Variants in DYM observed in about 807,000 individuals in gnomAD.
DYM encodes the protein dymeclin.
Under a neutral mutation model 93.1 loss-of-function variants are expected in DYM, and 78 were observed. That is an observed-to-expected ratio of 0.84 (90% confidence interval 0.70 to 1.01). The LOEUF is 1.01. Among genes scored for constraint, DYM ranks in the 50% least tolerant of loss-of-function variants. DYM has a pLI of 0.00. For missense variants in DYM, 789 were observed against 845.0 expected (o/e 0.93, Z 0.82); for synonymous variants, 321 against 319.7 (o/e 1.00, Z -0.04).
intron 8 of DYM, among the ~76,000 whole-genome samples, chr18:49,300,602 A>C (rs930923373): frequency 8.2e-5 from 12 of 145,814 alleles, no homozygotes; most frequent in African/African-American, 3.0e-4. Context: ...CTCAGTCTCC[A>C]AAAAAAAAAA....
At chr18:49,406,527 C>T (rs573590348) in intron 2 of DYM, among the ~76,000 whole-genome samples, 1 of 152,260 alleles carries the variant, frequency 6.6e-6, no homozygotes, top group African/African-American at 2.4e-5. Context: ...TGCCACTGCA[C>T]TCTAGCCTGA....
intron 15 of DYM, among the ~76,000 whole-genome samples, chr18:49,143,856 C>T (rs1389991127): frequency 6.6e-6 from 1 of 152,102 alleles, no homozygotes; most frequent in Admixed American, 6.5e-5. Context: ...ATCTTGTTTC[C>T]TTATACTCAT....
chr18:49,266,903 A>T (rs2094578975), intron 11 of DYM, among the ~76,000 whole-genome samples: 1 of 152,188 alleles, frequency 6.6e-6, no homozygotes, highest in African/African-American at 2.4e-5. Context: ...CTTACAGTGG[A>T]AAAGCAGAAG....
intron 2 of DYM, among the ~76,000 whole-genome samples, chr18:49,427,566 G>A (rs2074405825): frequency 2.6e-5 from 4 of 151,612 alleles, no homozygotes; most frequent in Admixed American, 2.0e-4. Flanking sequence ...TGTGAGGTGT[G>A]ATAATGGTAT....
At chr18:49,195,281 A>C (rs1362599360) in intron 14 of DYM, among the ~76,000 whole-genome samples, 2 of 152,304 alleles carry the variant, frequency 1.3e-5, no homozygotes, top group African/African-American at 4.8e-5. Context: ...GATGCATTAT[A>C]ACTGTACATA....
At chr18:49,355,262 AAT>A (rs2065447026) in intron 6 of DYM, among the ~76,000 whole-genome samples, 1 of 151,946 alleles carries the variant, frequency 6.6e-6, no homozygotes, top group East Asian at 1.9e-4. Context: ...TATAGATATC[AAT>A]AGATATAGAT....
intron 15 of DYM, among the ~76,000 whole-genome samples, chr18:49,152,730 G>A (rs139184928): frequency 3.9e-5 from 6 of 152,118 alleles, no homozygotes; most frequent in South Asian, 2.1e-4. Context: ...CTAAGTACTC[G>A]CTGACAGATA....
intron 10 of DYM, among the ~76,000 whole-genome samples, chr18:49,280,938 C>T (rs1366931923): frequency 6.6e-6 from 1 of 152,096 alleles, no homozygotes; most frequent in Non-Finnish European, 1.5e-5. Context: ...CAACAAAAGC[C>T]AAAATTGACA....
At chr18:49,377,805 T>C (rs996306222) in intron 5 of DYM, among the ~76,000 whole-genome samples, 9 of 152,226 alleles carry the variant, frequency 5.9e-5, no homozygotes, top group African/African-American at 1.7e-4. Flanking sequence ...TTATTATACA[T>C]ATGCATGAAA....
intron 14 of DYM, among the ~76,000 whole-genome samples, chr18:49,199,951 G>T (rs1376824227): frequency 6.6e-6 from 1 of 151,168 alleles, no homozygotes. Flanking sequence ...CATATTACAC[G>T]TACTTAGAAT....
intron 7 of DYM, among the ~76,000 whole-genome samples, chr18:49,333,192 C>A (rs1382741186): frequency 6.6e-6 from 1 of 152,194 alleles, no homozygotes; most frequent in African/African-American, 2.4e-5. Context: ...TCATTTGCAT[C>A]CACACCCTCT....
chr18:49,175,859 T>C (rs1048039281), intron 14 of DYM, among the ~76,000 whole-genome samples: 3 of 152,176 alleles, frequency 2.0e-5, no homozygotes, highest in Non-Finnish European at 4.4e-5. Flanking sequence ...AAGAAATATA[T>C]GTGTGATATT....
chr18:49,047,660 A>G (rs2071784759), intron 17 of DYM, among the ~76,000 whole-genome samples: 1 of 152,046 alleles, frequency 6.6e-6, no homozygotes, highest in African/African-American at 2.4e-5. Context: ...GTGGGGCGGT[A>G]TCCTAGGGCC....
intron 8 of DYM, among the ~76,000 whole-genome samples, chr18:49,315,122 G>A (rs2061842311): frequency 6.6e-6 from 1 of 152,010 alleles, no homozygotes; most frequent in Admixed American, 6.5e-5. Flanking sequence ...GGCTGAGGTG[G>A]GAGGATCGCT....
intron 15 of DYM, among the ~76,000 whole-genome samples, chr18:49,124,552 A>G (rs2082651470): frequency 6.6e-6 from 1 of 151,756 alleles, no homozygotes; most frequent in Non-Finnish European, 1.5e-5. Context: ...AGCATGTTCT[A>G]CATTAGTTTT....
At chr18:49,171,148 G>A (rs1399232345) in intron 14 of DYM, among the ~76,000 whole-genome samples, 2 of 152,174 alleles carry the variant, frequency 1.3e-5, no homozygotes, top group African/African-American at 4.8e-5. Context: ...TAAGCAGGAT[G>A]TGAGGAAGTA....
chr18:49,158,049 C>A (rs911940695), intron 15 of DYM, among the ~76,000 whole-genome samples: 1 of 152,160 alleles, frequency 6.6e-6, no homozygotes, highest in African/African-American at 2.4e-5. Flanking sequence ...CACTTTCATG[C>A]CCTCTTTGAA....
rs1568188804 is a variant in DYM, at chr18:49,292,603, A to AACAAAAC, written c.764-5988_764-5987insGTTTTGT. 1.6e-3 allele frequency among the ~76,000 whole-genome samples: 108 copies of AACAAAAC among 66,250 alleles called. 3 individuals carry two copies. Among genetic ancestry groups the AACAAAAC allele is most frequent in the African/African-American group, 8.9e-3 (100 of 11,224 alleles). 43.5% of individuals were successfully genotyped at this position (66,250 alleles called of 152,430 possible). ...GCATTTTCCTGTTGGAAAAAAAAAA[A>AACAAAAC]AAAAAAAAAAAAAAAAAAAAAACCC... is the stretch of plus-strand genomic sequence containing the variant. On this transcript the variant is annotated intron_variant, in intron 8 of 17. Coordinates refer to ENST00000675505, the MANE Select transcript of DYM (RefSeq NM_001353214.3).
At chr18:49,361,307 G>C (rs558492482) in intron 6 of DYM, among the ~76,000 whole-genome samples, 1 of 152,104 alleles carries the variant, frequency 6.6e-6, no homozygotes, top group African/African-American at 2.4e-5. Context: ...TTCTCACTTC[G>C]AAATCTATAT....
Sources: gnomAD v4.1 joint callset for allele counts (sites outside exome capture counted in the v4.1 genomes callset) on GRCh38, gnomAD v4.1.1 for gene constraint, MANE v1.5 for transcripts, NCBI Gene and HGNC (gene_info 2026-07-23, HGNC 2026-07-21) for gene names.